Variants in GPC6 observed in about 807,000 individuals in gnomAD.
GPC6 encodes glypican 6.
In GPC6, 14 loss-of-function variants were observed where a neutral mutation model predicts 55.2. The observed-to-expected ratio is 0.25, with a 90% CI of 0.17 to 0.40. The LOEUF (loss-of-function observed/expected upper bound fraction) is 0.40. GPC6 is among the 10% of genes least tolerant of loss of function. GPC6 has a pLI of 1.00. For missense variants in GPC6, 641 were observed against 708.5 expected (o/e 0.90, Z 1.08); for synonymous variants, 278 against 259.6 (o/e 1.07, Z -0.68).
At chr13:93,881,930 T>C (rs1875003735) in intron 3 of GPC6, among the ~76,000 whole-genome samples, 1 of 151,946 alleles carries the variant, frequency 6.6e-6, no homozygotes, top group African/African-American at 2.4e-5. Flanking sequence ...AACTTGTGAC[T>C]CTGTAAGGAA....
intron 3 of GPC6, among the ~76,000 whole-genome samples, chr13:93,864,220 T>C (rs1888895909): frequency 6.6e-6 from 1 of 151,730 alleles, no homozygotes; most frequent in Non-Finnish European, 1.5e-5. Context: ...AGTCATGTAC[T>C]AGTTAAGTAT....
At chr13:94,277,544 G>A (rs934713588) in intron 4 of GPC6, among the ~76,000 whole-genome samples, 5 of 151,772 alleles carry the variant, frequency 3.3e-5, no homozygotes, top group Non-Finnish European at 5.9e-5. Context: ...GATTTTCTTC[G>A]GGGGTTTTTA....
chr13:93,857,074 A>G (rs1888644729), intron 3 of GPC6, among the ~76,000 whole-genome samples: 1 of 151,630 alleles, frequency 6.6e-6, no homozygotes, highest in Non-Finnish European at 1.5e-5. Flanking sequence ...TACCAAAGGG[A>G]TGCAATGCAT....
rs547011165 is a variant in GPC6, at chr13:93,879,127, G to A, written c.711+48582G>A. ...ACCCTTTCTTCCAGTTGATCGCATCGGCTCCTGAGGCTTCTGCATTCTTCA... is the reference window on the plus strand; with the variant it reads ...ACCCTTTCTTCCAGTTGATCGCATCAGCTCCTGAGGCTTCTGCATTCTTCA... On this transcript the variant is annotated intron_variant, in intron 3 of 8. Coordinates refer to ENST00000377047, the MANE Select transcript of GPC6 (RefSeq NM_005708.5). Among the ~76,000 whole-genome samples, 130 of 152,086 alleles carry A rather than the reference G, an allele frequency of 8.5e-4. 1 individual carries two copies. The highest frequency in any genetic ancestry group is 2.2e-3 in the Admixed American group (34 of 15,262).
intron 7 of GPC6, among the ~76,000 whole-genome samples, chr13:94,385,326 C>T (rs985071571): frequency 2.6e-5 from 4 of 152,024 alleles, no homozygotes; most frequent in African/African-American, 7.2e-5. Flanking sequence ...ACATCAGTAC[C>T]CTACTGCTAG....
chr13:93,731,409 T>C (rs909127990), intron 2 of GPC6, among the ~76,000 whole-genome samples: 1 of 152,156 alleles, frequency 6.6e-6, no homozygotes, highest in African/African-American at 2.4e-5. Context: ...ACAGAGCACC[T>C]AGCTTCTGAA....
At chr13:93,731,428 C>T (rs548221200) in intron 2 of GPC6, among the ~76,000 whole-genome samples, 13 of 152,056 alleles carry the variant, frequency 8.5e-5, no homozygotes, top group East Asian at 1.9e-4. Context: ...AATGGAAGGA[C>T]GGTTGTCATG....
Position 93,863,678 on chromosome 13 carries a change from C to T in GPC6, c.711+33133C>T, listed in dbSNP as rs983844873. Among the ~76,000 whole-genome samples, 3 of 151,610 alleles carry T rather than the reference C, an allele frequency of 2.0e-5. No homozygotes were observed. The South Asian group carries it at 6.2e-4, about 31-fold the overall frequency. ...GTTCATGGTGACATCATAAACTTCT[C>T]CTCTGTAGTTTACCCTGATGTAAAT... On this transcript the variant is annotated intron_variant, in intron 3 of 8. Coordinates refer to ENST00000377047, the MANE Select transcript of GPC6 (RefSeq NM_005708.5).
At chr13:94,307,602 C>G (rs1050281905) in intron 6 of GPC6, among the ~76,000 whole-genome samples, 2 of 152,168 alleles carry the variant, frequency 1.3e-5, no homozygotes, top group Non-Finnish European at 2.9e-5. Context: ...CATGAGCCAA[C>G]GTGCTCAGCG....
chr13:94,021,136 T>C (rs900673979), intron 3 of GPC6, among the ~76,000 whole-genome samples: 2 of 152,092 alleles, frequency 1.3e-5, no homozygotes, highest in Non-Finnish European at 2.9e-5. Flanking sequence ...GTATTCTAGC[T>C]GAATGTTTTA....
rs115527146 is a variant in GPC6, at chr13:94,113,347, A to G, written c.877+85453A>G. 2.5e-3 allele frequency among the ~76,000 whole-genome samples: 385 copies of G among 152,204 alleles called. 2 individuals are homozygous for G. Among genetic ancestry groups the G allele is most frequent in the African/African-American group, 8.9e-3 (371 of 41,550 alleles). On this transcript the variant is annotated intron_variant, in intron 4 of 8. Coordinates refer to ENST00000377047, the MANE Select transcript of GPC6 (RefSeq NM_005708.5). ...GACCCTCAGGAGCCAAAAAAAAGTT[A>G]AGTTAATCATACTCTCAGTTCCTAG...
At chr13:93,611,131 C>CAAT (rs1463016960) in intron 2 of GPC6, among the ~76,000 whole-genome samples, 15 of 152,040 alleles carry the variant, frequency 9.9e-5, no homozygotes, top group African/African-American at 3.6e-4. Context: ...TTTATTAGTA[C>CAAT]AATTATGTAA....
chr13:94,290,158 C>G (rs1028827760), intron 5 of GPC6, among the ~76,000 whole-genome samples: 2 of 152,050 alleles, frequency 1.3e-5, no homozygotes, highest in Admixed American at 6.6e-5. Flanking sequence ...TGTGGTGGCT[C>G]TCACCTGTAA....
chr13:94,118,237 G>T (rs1369879756), intron 4 of GPC6, among the ~76,000 whole-genome samples: 1 of 152,022 alleles, frequency 6.6e-6, no homozygotes. Context: ...TGCTGTTCTC[G>T]TGATAGTGAG....
At chr13:93,312,741 A>G (rs1315425960) in intron 1 of GPC6, among the ~76,000 whole-genome samples, 3 of 152,200 alleles carry the variant, frequency 2.0e-5, no homozygotes, top group Non-Finnish European at 4.4e-5. Context: ...ACCTTGCAAT[A>G]CTTCTCTGGT....
intron 2 of GPC6, among the ~76,000 whole-genome samples, chr13:93,806,419 C>G (rs1886544518): frequency 6.6e-6 from 1 of 152,172 alleles, no homozygotes; most frequent in Non-Finnish European, 1.5e-5. Flanking sequence ...CTCACTGCAA[C>G]CTCTGCCTCC....
At chr13:93,825,839 T>C (rs1055089249) in intron 2 of GPC6, among the ~76,000 whole-genome samples, 2 of 151,404 alleles carry the variant, frequency 1.3e-5, no homozygotes, top group Non-Finnish European at 2.9e-5. Flanking sequence ...TTTCATCTTT[T>C]ATTTTTTATT....
At chr13:93,445,814 T>C (rs1270068332) in intron 1 of GPC6, among the ~76,000 whole-genome samples, 1 of 152,124 alleles carries the variant, frequency 6.6e-6, no homozygotes, top group Non-Finnish European at 1.5e-5. Context: ...TACAAATATA[T>C]GAATGTCAGG....
chr13:93,553,871 G>A (rs1462565682), intron 2 of GPC6, among the ~76,000 whole-genome samples: 4 of 132,056 alleles, frequency 3.0e-5, no homozygotes, highest in African/African-American at 1.2e-4. Context: ...CCAGCACAGT[G>A]CCTCGTGCCT....
Sources: gnomAD v4.1 joint callset for allele counts (sites outside exome capture counted in the v4.1 genomes callset) on GRCh38, gnomAD v4.1.1 for gene constraint, MANE v1.5 for transcripts, NCBI Gene and HGNC (gene_info 2026-07-23, HGNC 2026-07-21) for gene names.